RNLS: variants seen among roughly 807,000 people sequenced by gnomAD.
The protein encoded by RNLS is renalase.
RNLS carries 39 observed loss-of-function variants against 39.8 expected under a neutral mutation model. That is an observed-to-expected ratio of 0.98 (90% CI 0.76 to 1.28). The LOEUF is 1.28. Ranked by LOEUF, RNLS falls within the 50% of genes most tolerant of loss-of-function variation. RNLS has a pLI of 0.00. For missense variants in RNLS, 410 were observed against 413.3 expected (o/e 0.99, Z 0.07); for synonymous variants, 147 against 150.7 (o/e 0.98, Z 0.18).
the RNLS span, among the ~76,000 whole-genome samples, chr10:88,215,856 T>G: frequency 6.6e-6 from 1 of 151,928 alleles, no homozygotes; most frequent in South Asian, 2.1e-4. Context: ...CACGCCACCA[T>G]GCCAGGCTAA....
the RNLS span, among the ~76,000 whole-genome samples, chr10:88,229,164 A>G: frequency 6.6e-6 from 1 of 152,192 alleles, no homozygotes; most frequent in Non-Finnish European, 1.5e-5. Context: ...CAACCTAACA[A>G]TTTCTATTAA....
the RNLS span, among the ~76,000 whole-genome samples, chr10:88,226,962 A>C: frequency 6.6e-6 from 1 of 152,082 alleles, no homozygotes; most frequent in African/African-American, 2.4e-5. Context: ...ACTTTAAACC[A>C]GGGTTGACAA....
At chr10:88,464,099 A>C (rs1480190150) in intron 4 of RNLS, among the ~76,000 whole-genome samples, 1 of 152,038 alleles carries the variant, frequency 6.6e-6, no homozygotes, top group Non-Finnish European at 1.5e-5. Context: ...TTAATTTTCA[A>C]ATAGCTATTA....
chr10:88,424,730 C>T (rs1290359371), intron 4 of RNLS, among the ~76,000 whole-genome samples: 1 of 152,044 alleles, frequency 6.6e-6, no homozygotes, highest in Non-Finnish European at 1.5e-5. Flanking sequence ...ATAGTAAATA[C>T]ACGATGACTA....
chr10:88,344,184 T>C (rs150913281), intron 5 of RNLS, among the ~76,000 whole-genome samples: 6 of 152,328 alleles, frequency 3.9e-5, no homozygotes, highest in East Asian at 3.9e-4. Flanking sequence ...AGTTGCATAA[T>C]TGGGTTCAGC....
At chr10:88,581,298 A>G (rs968783717) in intron 3 of RNLS, among the ~76,000 whole-genome samples, 47 of 146,646 alleles carry the variant, frequency 3.2e-4, no homozygotes, top group Admixed American at 6.1e-4. Flanking sequence ...GTGTGTGTAT[A>G]TATATATATA....
intron 5 of RNLS, among the ~76,000 whole-genome samples, chr10:88,326,011 A>G (rs774935552): frequency 1.3e-5 from 2 of 152,148 alleles, no homozygotes; most frequent in South Asian, 2.1e-4. Flanking sequence ...TTCCGCCATG[A>G]TTGTAAATTC....
rs374354373 is a variant in RNLS, at chr10:88,399,883, C to A, written c.527-37158G>T. ...AGTCAGCAGTTTCATTGGGTAAAAACCAAGTTGTTGGTAGGGTTCACTGTC... is the reference window on the plus strand; with the variant it reads ...AGTCAGCAGTTTCATTGGGTAAAAAACAAGTTGTTGGTAGGGTTCACTGTC... On this transcript the variant is annotated intron_variant, in intron 4 of 6. Coordinates refer to ENST00000331772, the MANE Select transcript of RNLS (RefSeq NM_001031709.3). Among the ~76,000 whole-genome samples the A allele has an allele frequency of 1.4e-3, 217 of 152,068 alleles. 2 individuals are homozygous for A. The highest frequency in any genetic ancestry group is 4.8e-3 in the African/African-American group (200 of 41,526).
At chr10:88,269,352 T>C (rs1263785863), downstream of RNLS, among the ~76,000 whole-genome samples, 4 of 152,202 alleles carry the variant, frequency 2.6e-5, no homozygotes, top group Non-Finnish European at 5.9e-5. Flanking sequence ...ATAGGGCTAG[T>C]ATACTAAGCT....
chr10:88,485,531 A>T (rs1245516450), intron 4 of RNLS, among the ~76,000 whole-genome samples: 1 of 151,832 alleles, frequency 6.6e-6, no homozygotes. Flanking sequence ...AATCTTTGTA[A>T]CATCAAATCT....
chr10:88,583,172 C>A lies in RNLS; in HGVS notation c.19G>T (p.Val7Leu). MAQVLI[V>L]GAGMTGSLCA... Reference sequence around the variant, plus strand: ...AAGCTTCCTGTCATCCCGGCGCCCACGATCAGCACCTGCGCCATGGCGAGA... The same window carrying A: ...AAGCTTCCTGTCATCCCGGCGCCCAAGATCAGCACCTGCGCCATGGCGAGA... Residue 7 changes from valine to leucine, a missense_variant, in exon 1 of 7, where the codon GTG becomes TTG. Val to Leu is a conservative substitution (Grantham distance 32). Transcript: ENST00000331772. The A allele has an allele frequency of 6.2e-7, 1 of 1,613,952 alleles. No homozygotes were observed. Among genetic ancestry groups the A allele is most frequent in the South Asian group, 1.1e-5 (1 of 91,082 alleles).
rs955159459 is a variant in RNLS, at chr10:88,546,170, T to A, written c.526+26733A>T. ...TGCAATTACTCTTATAAGTTAAAATTAAAAATTTAAAACTATATAATTCTT... is the reference window on the plus strand; with the variant it reads ...TGCAATTACTCTTATAAGTTAAAATAAAAAATTTAAAACTATATAATTCTT... On this transcript the variant is annotated intron_variant, in intron 4 of 6. Coordinates refer to ENST00000331772, the MANE Select transcript of RNLS (RefSeq NM_001031709.3). Among the ~76,000 whole-genome samples the A allele has an allele frequency of 1.4e-4, 21 of 152,186 alleles. 1 individual carries two copies. The highest frequency in any genetic ancestry group is 1.0e-3 in the Admixed American group (16 of 15,296).
the RNLS span, among the ~76,000 whole-genome samples, chr10:88,196,371 A>T: frequency 6.6e-6 from 1 of 152,248 alleles, no homozygotes; most frequent in Non-Finnish European, 1.5e-5. Flanking sequence ...TATTCCCTCT[A>T]CATTAGCCAT....
intron 4 of RNLS, among the ~76,000 whole-genome samples, chr10:88,421,092 G>C (rs548851720): frequency 6.6e-6 from 1 of 152,238 alleles, no homozygotes; most frequent in Non-Finnish European, 1.5e-5. Flanking sequence ...ATGAGAGGCT[G>C]CAGGAACAAG....
In RNLS at chr10:88,314,620, G is replaced by A; in HGVS notation, c.722C>T (p.Ser241Phe). Residue 241 changes from serine to phenylalanine, a missense_variant, in exon 6 of 7, where the codon TCC becomes TTC. Transcript: ENST00000331772. ...TGGGACAGTGGTGTGAATCACGAGG[G>A]AAGGCCCAATTTCTGATGACTCTGT... ...RNIESSEIGP[S>F]LVIHTTVPFG... 3 of 1,613,368 alleles carry A rather than the reference G, an allele frequency of 1.9e-6. No individual in the cohort carries two copies. The highest frequency in any genetic ancestry group is 2.5e-6 in the Non-Finnish European group (3 of 1,179,598).
rs529348412 is a variant in RNLS, at chr10:88,316,636, G to T, written c.701-1995C>A. Among the ~76,000 whole-genome samples the T allele has an allele frequency of 4.6e-5, 7 of 152,248 alleles. No homozygotes were observed. In the South Asian group the frequency reaches 1.5e-3, roughly 32 times the overall value. Reference sequence around the variant, plus strand: ...ACTGACCCAGCTATTTGTTCCAGGGGAAACTCGTAAAGTCACTAAGACCAG... The same window carrying T: ...ACTGACCCAGCTATTTGTTCCAGGGTAAACTCGTAAAGTCACTAAGACCAG... On this transcript the variant is annotated intron_variant, in intron 5 of 6. Coordinates refer to ENST00000331772, the MANE Select transcript of RNLS (RefSeq NM_001031709.3).
At chr10:88,273,516 C>T (rs1366341241), downstream of RNLS, among the ~76,000 whole-genome samples, 1 of 152,164 alleles carries the variant, frequency 6.6e-6, no homozygotes, top group Non-Finnish European at 1.5e-5. Flanking sequence ...TTTAAACCCA[C>T]ATTTTAAAAT....
chr10:88,308,101 T>A (rs1485488459), intron 6 of RNLS, among the ~76,000 whole-genome samples: 6 of 152,166 alleles, frequency 3.9e-5, no homozygotes, highest in African/African-American at 7.2e-5. Flanking sequence ...CTGGACCCCT[T>A]CCTTACACCA....
At chr10:88,466,668 C>A (rs1843225921) in intron 4 of RNLS, among the ~76,000 whole-genome samples, 1 of 152,096 alleles carries the variant, frequency 6.6e-6, no homozygotes, top group East Asian at 1.9e-4. Context: ...TAGCACAGAA[C>A]ATTTTTCTCC....
Sources: gnomAD v4.1 joint callset for allele counts (sites outside exome capture counted in the v4.1 genomes callset) on GRCh38, gnomAD v4.1.1 for gene constraint, MANE v1.5 for transcripts, NCBI Gene and HGNC (gene_info 2026-07-23, HGNC 2026-07-21) for gene names.